The following NARS2 variants were observed in gnomAD, a reference collection of about 807,000 sequenced individuals.
The protein encoded by NARS2 is asparaginyl-tRNA synthetase 2, mitochondrial.
Under a neutral mutation model 62.9 loss-of-function variants are expected in NARS2, and 60 were observed. That is an observed-to-expected ratio of 0.95 (90% CI 0.77 to 1.18). The LOEUF is 1.18. Among genes scored for constraint, NARS2 ranks in the 50% most tolerant of loss-of-function variants. The pLI, the probability that NARS2 is intolerant of heterozygous loss-of-function variation, is 0.00. For synonymous variants in NARS2, 196 were observed against 200.0 expected (o/e 0.98, Z 0.17); for missense variants, 619 against 576.4 (o/e 1.07, Z -0.76).
intron 5 of NARS2, among the ~76,000 whole-genome samples, chr11:78,543,562 A>T (rs1248667502): frequency 6.6e-6 from 1 of 152,200 alleles, no homozygotes; most frequent in Non-Finnish European, 1.5e-5. Flanking sequence ...CAATGGAAAT[A>T]ACCATTTGTA....
intron 9 of NARS2, among the ~76,000 whole-genome samples, chr11:78,472,607 G>A (rs569317968): frequency 3.7e-4 from 56 of 152,246 alleles, no homozygotes; most frequent in African/African-American, 9.9e-4. Context: ...TAAAATAATT[G>A]TAACAGGTAG....
chr11:78,451,302 T>G (rs1473278218), intron 11 of NARS2, among the ~76,000 whole-genome samples: 3 of 152,240 alleles, frequency 2.0e-5, no homozygotes, highest in Non-Finnish European at 4.4e-5. Flanking sequence ...CAGGTAGAAT[T>G]CTTCTACCTT....
intron 7 of NARS2, among the ~76,000 whole-genome samples, chr11:78,482,730 T>C (rs947507741): frequency 1.3e-5 from 2 of 152,144 alleles, no homozygotes; most frequent in Non-Finnish European, 2.9e-5. Context: ...TAACAAGTTC[T>C]GAAGTTGAGA....
chr11:78,487,009 T>C (rs1341901553), intron 7 of NARS2, among the ~76,000 whole-genome samples: 1 of 152,014 alleles, frequency 6.6e-6, no homozygotes. Context: ...AAGAAAGAAT[T>C]AGTAAGTTTG....
At chr11:78,458,515 G>A (rs188629136) in intron 11 of NARS2, among the ~76,000 whole-genome samples, 10 of 152,142 alleles carry the variant, frequency 6.6e-5, no homozygotes, top group African/African-American at 2.4e-4. Context: ...GAACCCAAGA[G>A]TGTCTAACTC....
chr11:78,496,884 C>T (rs933651016), intron 6 of NARS2, among the ~76,000 whole-genome samples: 1 of 152,144 alleles, frequency 6.6e-6, no homozygotes, highest in Non-Finnish European at 1.5e-5. Context: ...CATGTGGAAT[C>T]ACTTCTATTT....
rs182014581 is a variant in NARS2 at position 78,496,045 on chromosome 11, G to A, written c.690-2850C>T. Among the ~76,000 whole-genome samples, 4 of 152,200 alleles carry A rather than the reference G, an allele frequency of 2.6e-5. No homozygotes were observed. The East Asian group carries it at 7.7e-4, about 29-fold the overall frequency. On this transcript the variant is annotated intron_variant, in intron 6 of 13. Coordinates refer to ENST00000281038, the MANE Select transcript of NARS2 (RefSeq NM_024678.6). ...ATAATTTTTATTTCAATTATAGTAA[G>A]GATCAGGCTCTGACTGAGGTATCTG...
chr11:78,574,364 T>C lies in NARS2; in HGVS notation c.125A>G (p.Glu42Gly), dbSNP rs529245395. Reference protein sequence around the residue: ...DALGAQNASGERIKIQGWIRS... With the variant: ...DALGAQNASGGRIKIQGWIRS... ...TTCACCAACCTGGATCTTAATGCGC[T>C]CCCCACTCGCGTTCTGAGCCCCGAG... The change falls in exon 1 of 14, where the codon GAG (glutamate) becomes GGG (glycine). Residue 42 changes from glutamate to glycine, a missense_variant. Coordinates refer to ENST00000281038, the MANE Select transcript of NARS2 (RefSeq NM_024678.6). 12 of 1,614,080 alleles carry C rather than the reference T, an allele frequency of 7.4e-6. 1 individual carries two copies. The South Asian group carries it at 1.3e-4, about 18-fold the overall frequency.
At position 78,507,420 on chromosome 11, in the gene NARS2, A is replaced by G. The variant is rs1860543358; in HGVS notation, c.690-14225T>C. ...TTCAACAATTTAAAAAAGAAGTCCA[A>G]AAGAATAAATAAAAACAGCAAGCCC... On this transcript the variant is annotated intron_variant, in intron 6 of 13. Transcript: ENST00000281038. Among the ~76,000 whole-genome samples, 4 of 152,238 alleles carry G rather than the reference A, an allele frequency of 2.6e-5. No homozygotes were observed. The Middle Eastern group carries it at 0.01, about 388-fold the overall frequency.
At chr11:78,446,570 T>C (rs1008487168) in intron 11 of NARS2, among the ~76,000 whole-genome samples, 10 of 152,172 alleles carry the variant, frequency 6.6e-5, no homozygotes, top group African/African-American at 2.4e-4. Context: ...TTATAGGCAA[T>C]CAACTTTGGA....
intron 6 of NARS2, among the ~76,000 whole-genome samples, chr11:78,497,779 G>A (rs1222427379): frequency 6.6e-6 from 1 of 152,008 alleles, no homozygotes; most frequent in African/African-American, 2.4e-5. Context: ...TACACTTGGT[G>A]GAAAGGGATT....
At chr11:78,518,571 G>A (rs1860997729) in intron 6 of NARS2, among the ~76,000 whole-genome samples, 1 of 151,720 alleles carries the variant, frequency 6.6e-6, no homozygotes, top group Non-Finnish European at 1.5e-5. Flanking sequence ...AGGCCAGAGT[G>A]CAGTGGCGCA....
At chr11:78,469,824 A>T (rs1003125015) in intron 9 of NARS2, among the ~76,000 whole-genome samples, 1 of 152,112 alleles carries the variant, frequency 6.6e-6, no homozygotes, top group African/African-American at 2.4e-5. Context: ...ATAAACAAGT[A>T]GCTATTCGTG....
At chr11:78,554,508 C>CGTGTGTGTGTGTGTGTGTGTGTGT (rs71046981) in intron 5 of NARS2, among the ~76,000 whole-genome samples, 109 of 147,006 alleles carry the variant, frequency 7.4e-4, no homozygotes, top group East Asian at 1.2e-3. Context: ...GGCGTGTGTG[C>CGTGTGTGTGTGTGTGTGTGTGTGT]GTGTGTGTGT....
rs1410828872 is a variant in NARS2, at chr11:78,525,236, C to T, written c.689+3606G>A. ...TGAACGTATGTCATCTGTCCAAAAG[C>T]ATAGAATGCAGACAACTAGGAGTGA... On this transcript the variant is annotated intron_variant, in intron 6 of 13. Coordinates refer to ENST00000281038, the MANE Select transcript of NARS2 (RefSeq NM_024678.6). Among the ~76,000 whole-genome samples the T allele has an allele frequency of 1.8e-4, 27 of 152,016 alleles. 1 individual carries two copies. Among genetic ancestry groups the T allele is most frequent in the Admixed American group, 1.8e-3 (27 of 15,258 alleles).
At position 78,521,518 on chromosome 11, in the gene NARS2, C is replaced by T. The variant is rs529538410; in HGVS notation, c.689+7324G>A. Among the ~76,000 whole-genome samples, 202 of 152,028 alleles carry T rather than the reference C, an allele frequency of 1.3e-3. 1 individual carries two copies. The highest frequency in any genetic ancestry group is 1.8e-3 in the Non-Finnish European group (125 of 67,946). On this transcript the variant is annotated intron_variant, in intron 6 of 13. Transcript: ENST00000281038. ...TATAAGAAAAGCCCGGGGCCGGGCG[C>T]GGTGGCTCACGCCTGTAATCCCAGC...
At chr11:78,542,798 C>T (rs952711413) in intron 5 of NARS2, among the ~76,000 whole-genome samples, 32 of 152,150 alleles carry the variant, frequency 2.1e-4, no homozygotes, top group African/African-American at 7.5e-4. Flanking sequence ...ACTCTAGAGG[C>T]TGGAGTGGGT....
At chr11:78,519,591 G>T (rs1460518786) in intron 6 of NARS2, among the ~76,000 whole-genome samples, 2 of 151,938 alleles carry the variant, frequency 1.3e-5, no homozygotes, top group African/African-American at 4.8e-5. Flanking sequence ...ATGATGTAAA[G>T]ACTTATGATC....
intron 4 of NARS2, among the ~76,000 whole-genome samples, chr11:78,560,814 G>A (rs889343465): frequency 6.6e-6 from 1 of 152,158 alleles, no homozygotes; most frequent in Non-Finnish European, 1.5e-5. Flanking sequence ...GCACATTATA[G>A]AAAACCAATA....
Sources: allele counts gnomAD v4.1 joint callset (sites outside exome capture counted in the v4.1 genomes callset), GRCh38; gene constraint gnomAD v4.1.1; transcripts MANE v1.5; gene names NCBI Gene and HGNC (gene_info 2026-07-23, HGNC 2026-07-21).